The following C10orf88 variants were observed in gnomAD, a reference collection of about 807,000 sequenced individuals.
C10orf88 encodes the protein ATPase PAAT.
Under a neutral mutation model 34.2 loss-of-function variants are expected in C10orf88, and 29 were observed. The ratio of observed to expected loss-of-function variants is 0.85; its 90% confidence interval spans 0.63 to 1.16. The LOEUF is 1.16. Ranked by LOEUF, C10orf88 falls within the 50% of genes most tolerant of loss-of-function variation. The pLI, the probability that C10orf88 is intolerant of heterozygous loss-of-function variation, is 0.00. For synonymous variants in C10orf88, 194 were observed against 197.4 expected, an observed-to-expected ratio of 0.98 and a Z score of 0.15; for missense variants, 507 against 533.2, an observed-to-expected ratio of 0.95 and a Z score of 0.48.
rs1589698524 is a variant in C10orf88 at position 122,951,984 on chromosome 10, C to T, written c.411G>A (p.Leu137=). Residue 137 remains leucine (L), a synonymous_variant, in exon 3 of 6, where the codon TTG becomes TTA. Coordinates refer to ENST00000481909, the MANE Select transcript of C10orf88 (RefSeq NM_024942.4). ...TTTTACAAGCATGTGTGGAGGACTC[C>T]AATTTTAGATTTTTTTTATACAAAA... ...KIILYKKNLK[L]ESSTHACKIK... 3.2e-6 allele frequency: 5 copies of T among 1,546,348 alleles called. No individual in the cohort carries two copies. Among genetic ancestry groups the T allele is most frequent in the Non-Finnish European group, 3.5e-6 (4 of 1,128,404 alleles).
intron 4 of C10orf88, among the ~76,000 whole-genome samples, chr10:122,940,332 T>C (rs967358009): frequency 8.6e-5 from 13 of 152,038 alleles, no homozygotes; most frequent in African/African-American, 2.9e-4. Flanking sequence ...TAATGGATGA[T>C]TCCATTAACA....
chr10:122,935,066 C>T (rs1216394247), intron 5 of C10orf88, among the ~76,000 whole-genome samples: 1 of 151,994 alleles, frequency 6.6e-6, no homozygotes, highest in Non-Finnish European at 1.5e-5. Flanking sequence ...ACTTCAGAGA[C>T]AGGTCATTTG....
chr10:122,937,969 G>A lies in C10orf88; in HGVS notation c.839C>T (p.Thr280Ile). 3.1e-6 allele frequency: 5 copies of A among 1,613,386 alleles called. No individual in the cohort carries two copies. Among genetic ancestry groups the A allele is most frequent in the Non-Finnish European group, 4.2e-6 (5 of 1,179,542 alleles). The change falls in exon 5 of 6, where the codon ACA becomes ATA. Residue 280 changes from threonine (T) to isoleucine (I), a missense_variant. Thr to Ile is a moderately conservative substitution (Grantham distance 89). Coordinates refer to ENST00000481909, the MANE Select transcript of C10orf88 (RefSeq NM_024942.4). ...AGAATTCTCTCCACCAGGCAGTTGT[G>A]TACTTTTATCAATGTAAGTTTGTAA... The part of the protein sequence containing the change: ...ENLQTYIDKS[T>I]QLPGGENSTK...
At chr10:122,944,734 T>C (rs1848622142) in intron 4 of C10orf88, among the ~76,000 whole-genome samples, 1 of 152,014 alleles carries the variant, frequency 6.6e-6, no homozygotes, top group African/African-American at 2.4e-5. Context: ...CCTAAATAAA[T>C]TCTTAATAAA....
chr10:122,938,933 A>G (rs1385762820), intron 4 of C10orf88, among the ~76,000 whole-genome samples: 1 of 152,034 alleles, frequency 6.6e-6, no homozygotes, highest in Non-Finnish European at 1.5e-5. Context: ...GTCTTAAGGC[A>G]TATGGCTCCA....
chr10:122,950,216 C>T (rs1454143277), intron 3 of C10orf88, among the ~76,000 whole-genome samples: 1 of 152,200 alleles, frequency 6.6e-6, no homozygotes, highest in Non-Finnish European at 1.5e-5. Context: ...AAGACAGTAG[C>T]AATGATTTCA....
intron 3 of C10orf88, among the ~76,000 whole-genome samples, chr10:122,951,750 T>C (rs1848691790): frequency 6.6e-6 from 1 of 151,908 alleles, no homozygotes; most frequent in South Asian, 2.1e-4. Context: ...GAAGTTAGCT[T>C]GAGCTGGGAG....
Position 122,934,153 on chromosome 10 carries a change from C to T in C10orf88, c.1104-1492G>A, listed in dbSNP as rs2133327298. On this transcript the variant is annotated intron_variant, in intron 5 of 5. Transcript: ENST00000481909. ...CCCTTTATCCAATCCTCCCAATGGT[C>T]ACATCTTATCTACCTATAATCCAAT... 2.0e-5 allele frequency among the ~76,000 whole-genome samples: 3 copies of T among 152,250 alleles called. No homozygotes were observed. In the Middle Eastern group the frequency reaches 0.01, roughly 518 times the overall value.
intron 4 of C10orf88, among the ~76,000 whole-genome samples, chr10:122,943,061 G>T (rs1166009358): frequency 6.6e-5 from 10 of 151,674 alleles, no homozygotes; most frequent in South Asian, 2.1e-4. Flanking sequence ...AGCCCGCATC[G>T]CCAAGTCAAT....
chr10:122,949,181 T>C (rs765687682), intron 3 of C10orf88, among the ~76,000 whole-genome samples: 6 of 152,206 alleles, frequency 3.9e-5, no homozygotes, highest in Non-Finnish European at 7.4e-5. Flanking sequence ...GAGAATGTGT[T>C]CTAAGACCTC....
intron 4 of C10orf88, among the ~76,000 whole-genome samples, chr10:122,944,129 T>C (rs1848613321): frequency 6.6e-6 from 1 of 151,892 alleles, no homozygotes; most frequent in African/African-American, 2.4e-5. Context: ...CCAACCCAAA[T>C]GTCCAACAAT....
chr10:122,951,956 T>A lies in C10orf88; in HGVS notation c.439A>T (p.Lys147Ter). ...LESSTHACKI[K>*]LLSFGERQCV... ...TTAGTTTACAACTGACAACTTACCT[T>A]TATTTTACAAGCATGTGTGGAGGAC... The change falls in exon 3 of 6, where the codon AAG (lysine) becomes TAG (stop). Residue 147 changes from lysine to a stop codon, truncating the protein, a stop_gained and splice_region_variant. Transcript: ENST00000481909. LOFTEE classifies it high-confidence loss of function. 1.3e-6 allele frequency: 2 copies of A among 1,539,672 alleles called. No homozygotes were observed.
Position 122,937,720 on chromosome 10 carries a change from C to G in C10orf88, c.1088G>C (p.Arg363Pro), listed in dbSNP as rs200757228. The change falls in exon 5 of 6, where the codon CGC becomes CCC. Residue 363 changes from arginine to proline, a missense_variant. Transcript: ENST00000481909. ...TAATACTTACCCAACACCAAGAATG[C>G]GTTCACCATGCTTGGTGATGTTTTC... ...CQENITKHGE[R>P]ILGVGMEEQS... 6.2e-7 allele frequency: 1 copy of G among 1,603,546 alleles called. No homozygotes were observed. The highest frequency in any genetic ancestry group is 1.3e-5 in the African/African-American group (1 of 74,386).
intron 4 of C10orf88, among the ~76,000 whole-genome samples, chr10:122,941,501 C>A (rs749013628): frequency 6.6e-6 from 1 of 152,014 alleles, no homozygotes; most frequent in Non-Finnish European, 1.5e-5. Flanking sequence ...AAGTCCTGCC[C>A]AAACAACATG....
At chr10:122,936,350 C>G (rs555974390) in intron 5 of C10orf88, among the ~76,000 whole-genome samples, 1 of 151,602 alleles carries the variant, frequency 6.6e-6, no homozygotes, top group South Asian at 2.1e-4. Flanking sequence ...TTCTTTTTAT[C>G]TTTTGATAGT....
intron 4 of C10orf88, among the ~76,000 whole-genome samples, chr10:122,939,719 C>A (rs1848566556): frequency 6.6e-6 from 1 of 151,824 alleles, no homozygotes; most frequent in South Asian, 2.1e-4. Context: ...CAGGAAAGCC[C>A]ATTTATTTCT....
At chr10:122,951,359 T>C (rs917260716) in intron 3 of C10orf88, among the ~76,000 whole-genome samples, 6 of 152,168 alleles carry the variant, frequency 3.9e-5, no homozygotes, top group African/African-American at 1.4e-4. Flanking sequence ...GGTTAATAAA[T>C]AGTCAAATTT....
Position 122,931,659 on chromosome 10 carries a change from T to G in C10orf88, c.*768A>C, listed in dbSNP as rs917557712. 2 of 152,208 alleles carry G rather than the reference T, an allele frequency of 1.3e-5. No individual in the cohort carries two copies. The highest frequency in any genetic ancestry group is 2.9e-5 in the Non-Finnish European group (2 of 68,036). The allele number at this position is 152,208 out of a possible 1,614,324, so 9.4% of individuals were successfully genotyped here. ...ATCCTTCCATGGAGAGCCTCATTAT[T>G]TCATACAATAAACATGCCAGAAAAG... is the stretch of plus-strand genomic sequence containing the variant. On this transcript the variant is annotated 3_prime_UTR_variant, in exon 6 of 6. Coordinates refer to ENST00000481909, the MANE Select transcript of C10orf88 (RefSeq NM_024942.4).
intron 4 of C10orf88, among the ~76,000 whole-genome samples, chr10:122,944,787 A>G (rs923341575): frequency 6.6e-6 from 1 of 151,900 alleles, no homozygotes; most frequent in Admixed American, 6.6e-5. Context: ...TTTATCTTCA[A>G]TATTCCTTTA....
Sources: gnomAD v4.1 joint callset for allele counts (sites outside exome capture counted in the v4.1 genomes callset) on GRCh38, gnomAD v4.1.1 for gene constraint, MANE v1.5 for transcripts, NCBI Gene and HGNC (gene_info 2026-07-23, HGNC 2026-07-21) for gene names.